The following NEDD4L variants were observed in gnomAD, a reference collection of about 807,000 sequenced individuals.
NEDD4L encodes NEDD4 like E3 ubiquitin protein ligase.
A neutral mutation model predicts 148.9 loss-of-function variants in NEDD4L; 54 were observed. The observed-to-expected ratio is 0.36, with a 90% CI of 0.29 to 0.45. The LOEUF is 0.45. Ranked by LOEUF, NEDD4L falls within the 20% of genes least tolerant of loss-of-function variation. The pLI is 1.00. For missense variants in NEDD4L, 856 were observed against 1,233.8 expected (o/e 0.69, Z 4.59); for synonymous variants, 433 against 440.7 (o/e 0.98, Z 0.22).
chr18:58,328,054 T>A (rs1421198499), intron 9 of NEDD4L, among the ~76,000 whole-genome samples: 3 of 152,058 alleles, frequency 2.0e-5, no homozygotes, highest in African/African-American at 7.2e-5. Flanking sequence ...AACCTCTGCC[T>A]CCTGGGCTCA....
intron 16 of NEDD4L, 106 bp downstream of exon 16, chr18:58,343,209 T>C (rs1302743767): frequency 9.8e-6 from 9 of 914,622 alleles, no homozygotes; most frequent in East Asian, 5.2e-5. Context: ...GGATTGACTG[T>C]AAAGGGTGTC....
intron 1 of NEDD4L, among the ~76,000 whole-genome samples, chr18:58,078,034 C>A (rs1412679363): frequency 8.2e-6 from 1 of 122,090 alleles, no homozygotes. Flanking sequence ...TTTTTTTTTG[C>A]CTAAAAGAAA....
At chr18:58,311,084 G>A (rs1434164292) in intron 5 of NEDD4L, among the ~76,000 whole-genome samples, 1 of 151,936 alleles carries the variant, frequency 6.6e-6, no homozygotes, top group Non-Finnish European at 1.5e-5. Context: ...AATAGTGGAT[G>A]GTTTTCCTTT....
chr18:58,349,158 A>G (rs1405454017), intron 16 of NEDD4L, among the ~76,000 whole-genome samples: 2 of 152,078 alleles, frequency 1.3e-5, no homozygotes, highest in Non-Finnish European at 2.9e-5. Flanking sequence ...CTCGGGACCC[A>G]TGGAGAGATT....
chr18:58,161,188 G>A (rs1474684874), intron 1 of NEDD4L, among the ~76,000 whole-genome samples: 9 of 151,874 alleles, frequency 5.9e-5, no homozygotes, highest in Admixed American at 5.3e-4. Context: ...GCATCAGCAC[G>A]TCCAGCTAGT....
chr18:58,248,754 A>T (rs2047568366), intron 3 of NEDD4L, 145 bp from the exon 4 acceptor site: 1 of 538,478 alleles, frequency 1.9e-6, no homozygotes, highest in African/African-American at 1.9e-5. Flanking sequence ...TTTGGTTTGT[A>T]CGCTAGTCTC....
intron 1 of NEDD4L, among the ~76,000 whole-genome samples, chr18:58,149,168 AG>A (rs2034413134): frequency 6.6e-6 from 1 of 152,182 alleles, no homozygotes; most frequent in African/African-American, 2.4e-5. Context: ...CTGAAGGTGG[AG>A]GGCCCTGGAC....
intron 1 of NEDD4L, among the ~76,000 whole-genome samples, chr18:58,104,820 G>A (rs1015636446): frequency 6.6e-6 from 1 of 152,020 alleles, no homozygotes; most frequent in Non-Finnish European, 1.5e-5. Context: ...ACTGAGTACT[G>A]CCTGTGCACA....
At chr18:58,214,800 A>ATTTTTTTTTTT (rs60043101) in intron 2 of NEDD4L, among the ~76,000 whole-genome samples, 2 of 123,394 alleles carry the variant, frequency 1.6e-5, no homozygotes, top group African/African-American at 3.0e-5. Flanking sequence ...TCTTTCTTTC[A>ATTTTTTTTTTT]TTTTTTTTTT....
chr18:58,226,529 G>A (rs1434005578), intron 2 of NEDD4L, among the ~76,000 whole-genome samples: 3 of 152,206 alleles, frequency 2.0e-5, no homozygotes, highest in East Asian at 3.8e-4. Flanking sequence ...CATATGCAGA[G>A]CAACACAGTC....
intron 25 of NEDD4L, among the ~76,000 whole-genome samples, chr18:58,385,272 T>G (rs1292448519): frequency 1.3e-5 from 2 of 152,248 alleles, no homozygotes; most frequent in African/African-American, 4.8e-5. Flanking sequence ...TTAAAGCAGT[T>G]TAGGTCAGCC....
At chr18:58,077,371 T>C (rs2083227110) in intron 1 of NEDD4L, among the ~76,000 whole-genome samples, 1 of 151,988 alleles carries the variant, frequency 6.6e-6, no homozygotes, top group Admixed American at 6.6e-5. Flanking sequence ...TTTGCCATGT[T>C]GCCCAGGCTG....
At chr18:58,145,252 G>A (rs908964156) in intron 1 of NEDD4L, among the ~76,000 whole-genome samples, 27 of 152,170 alleles carry the variant, frequency 1.8e-4, no homozygotes, top group African/African-American at 6.5e-4. Flanking sequence ...AGTGCCAAGG[G>A]ACAGACAAGG....
At chr18:58,387,407 G>C (rs771604913) in intron 26 of NEDD4L, 32 bp from the exon 27 acceptor site, 40 of 1,500,956 alleles carry the variant, frequency 2.7e-5, no homozygotes, top group Middle Eastern at 1.7e-4. Flanking sequence ...GAAGGCAATA[G>C]GTGTTTAAGA....
At chr18:58,088,609 A>G (rs190237939) in intron 1 of NEDD4L, among the ~76,000 whole-genome samples, 21 of 152,352 alleles carry the variant, frequency 1.4e-4, no homozygotes, top group Admixed American at 1.2e-3. Context: ...ACTTTCGTGA[A>G]AGGAACATAT....
At chr18:58,301,484 A>G (rs889666294) in intron 5 of NEDD4L, among the ~76,000 whole-genome samples, 8 of 152,210 alleles carry the variant, frequency 5.3e-5, no homozygotes, top group Admixed American at 5.2e-4. Context: ...GTAGAATAAC[A>G]GTCTAATTTA....
chr18:58,256,727 G>A lies in NEDD4L; in HGVS notation c.297+4673G>A, dbSNP rs1600315796. The A allele has an allele frequency of 1.6e-6, 2 of 1,232,128 alleles. No homozygotes were observed. Among genetic ancestry groups the A allele is most frequent in the Non-Finnish European group, 2.0e-6 (2 of 988,044 alleles). The allele number at this position is 1,232,128 out of a possible 1,614,324, so 76.3% of individuals were successfully genotyped here. On this transcript the variant is annotated intron_variant, in intron 5 of 30. Transcript: ENST00000400345. This position sits in a 1 kb window ranked among gnomAD's most constrained non-coding sequence, Gnocchi z 5.2. ...GCCGGAAGAAGCTCCCCAGAATCCCGAGGAGAAAAGCGCCAAAAGCCCTGT... is the reference window on the plus strand; with the variant it reads ...GCCGGAAGAAGCTCCCCAGAATCCCAAGGAGAAAAGCGCCAAAAGCCCTGT...
chr18:58,348,594 A>T (rs753390845), intron 16 of NEDD4L, among the ~76,000 whole-genome samples: 2 of 152,010 alleles, frequency 1.3e-5, no homozygotes, highest in African/African-American at 4.8e-5. Flanking sequence ...GATTACAGGC[A>T]TGAGCCATCG....
intron 1 of NEDD4L, among the ~76,000 whole-genome samples, chr18:58,159,454 A>T (rs1443168268): frequency 1.3e-5 from 2 of 152,098 alleles, no homozygotes; most frequent in East Asian, 3.9e-4. Context: ...CAGGATGTTG[A>T]TCATGGGGGA....
Sources: allele counts gnomAD v4.1 joint callset (sites outside exome capture counted in the v4.1 genomes callset), GRCh38; gene constraint gnomAD v4.1.1; non-coding constraint Gnocchi (gnomAD v3.1); transcripts MANE v1.5; gene names NCBI Gene and HGNC (gene_info 2026-07-23, HGNC 2026-07-21).